DDX52: variants seen among roughly 807,000 people sequenced by gnomAD.
DDX52 encodes probable ATP-dependent RNA helicase DDX52.
In DDX52, 59 loss-of-function variants were observed where a neutral mutation model predicts 76.1. That is an observed-to-expected ratio of 0.78 (90% CI 0.63 to 0.96). The LOEUF is 0.96. DDX52 is among the 40% of genes least tolerant of loss of function. DDX52 has a pLI of 0.00. For missense variants in DDX52, 707 were observed against 703.9 expected (o/e 1.00, Z -0.05); for synonymous variants, 231 against 244.1 (o/e 0.95, Z 0.50).
intron 10 of DDX52, 29 bp downstream of exon 10, chr17:37,621,369 T>A (rs770295627): frequency 6.2e-7 from 1 of 1,600,430 alleles, no homozygotes. Flanking sequence ...GTAGTTCTTC[T>A]GAGTTTCAAA....
chr17:37,625,120 C>T (rs2030299871), intron 8 of DDX52, among the ~76,000 whole-genome samples: 1 of 152,056 alleles, frequency 6.6e-6, no homozygotes, highest in Non-Finnish European at 1.5e-5. Flanking sequence ...ATACTCCTGC[C>T]TCAGCCTCCC....
At position 37,611,979 on chromosome 17, in the gene DDX52, CAAAAA is replaced by C. The variant is rs1300156671; in HGVS notation, c.*2312_*2316del. On this transcript the variant is annotated 3_prime_UTR_variant, in exon 15 of 15. Coordinates refer to ENST00000617633, the MANE Select transcript of DDX52 (RefSeq NM_007010.5). ...CTCAAAAAAAAAAAAAAAAACAAAA[CAAAAA>C]AACTCATAAAGTAAAAGTTACAGTA... is the stretch of plus-strand genomic sequence containing the variant. 1 of 138,428 alleles carries C rather than the reference CAAAAA, an allele frequency of 7.2e-6. No individual in the cohort carries two copies. Among genetic ancestry groups the C allele is most frequent in the Non-Finnish European group, 1.6e-5 (1 of 63,824 alleles). The allele number at this position is 138,428 out of a possible 1,614,324, so 8.6% of individuals were successfully genotyped here.
chr17:37,626,189 C>CA, intron 7 of DDX52, 91 bp from the exon 8 acceptor site: 22 of 1,316,098 alleles, frequency 1.7e-5, no homozygotes, highest in Non-Finnish European at 2.2e-5. Flanking sequence ...ATGAGGAAGT[C>CA]AAACTATAAT....
intron 5 of DDX52, 74 bp from the exon 6 acceptor site, chr17:37,628,746 TGAAA>T: frequency 1.8e-6 from 2 of 1,093,536 alleles, no homozygotes; most frequent in Non-Finnish European, 2.6e-6. Context: ...ACATGATTAA[TGAAA>T]TAAATCTATT....
intron 2 of DDX52, chr17:37,639,395 A>T: frequency 1.0e-6 from 1 of 989,468 alleles, no homozygotes; most frequent in Non-Finnish European, 1.2e-6. Context: ...GTACTAAATG[A>T]CCCAAATCAT....
chr17:37,633,257 T>C (rs1172208720), intron 3 of DDX52, 31 bp downstream of exon 3: 1 of 1,582,400 alleles, frequency 6.3e-7, no homozygotes, highest in Non-Finnish European at 8.6e-7. Flanking sequence ...AGAAAATATA[T>C]ATACTTTTGG....
intron 2 of DDX52, among the ~76,000 whole-genome samples, chr17:37,639,087 AC>A (rs1321133738): frequency 6.6e-6 from 1 of 152,026 alleles, no homozygotes; most frequent in African/African-American, 2.4e-5. Flanking sequence ...TTTTAAAAAA[AC>A]GTAATGCGCA....
intron 14 of DDX52, among the ~76,000 whole-genome samples, chr17:37,615,833 G>A (rs950293579): frequency 6.6e-6 from 1 of 152,098 alleles, no homozygotes; most frequent in Non-Finnish European, 1.5e-5. Flanking sequence ...GGCCAACATG[G>A]TGAAACCCCG....
Position 37,610,554 on chromosome 17 carries a change from G to A in DDX52, c.*3742C>T, listed in dbSNP as rs2064315994. 7.4e-6 allele frequency: 1 copy of A among 135,770 alleles called. No homozygotes were observed. The highest frequency in any genetic ancestry group is 1.5e-5 in the Non-Finnish European group (1 of 67,604). The allele number at this position is 135,770 out of a possible 1,614,324, so 8.4% of individuals were successfully genotyped here. A position where few individuals can be genotyped will look rare whatever the true frequency, so the allele number is the denominator to read the frequency against. On this transcript the variant is annotated 3_prime_UTR_variant, in exon 15 of 15. Transcript: ENST00000617633. ...TAATTAGCTTTACGTTTTCACTCTT[G>A]TCTCAAGGTTTTTACTGGGTAATAA...
chr17:37,635,732 G>T (rs1171988018), intron 2 of DDX52: 2 of 422,478 alleles, frequency 4.7e-6, no homozygotes, highest in African/African-American at 2.0e-5. Context: ...AAGTGGAATA[G>T]CTGGGTAATA....
intron 2 of DDX52, among the ~76,000 whole-genome samples, chr17:37,636,864 C>G (rs754373890): frequency 1.3e-5 from 2 of 152,186 alleles, no homozygotes; most frequent in African/African-American, 4.8e-5. Flanking sequence ...TGTTGATTAA[C>G]AGCAGAAACA....
chr17:37,625,991 A>C lies in DDX52; in HGVS notation c.1040T>G (p.Val347Gly). 6.2e-7 allele frequency: 1 copy of C among 1,614,112 alleles called. No homozygotes were observed. The highest frequency in any genetic ancestry group is 1.7e-5 in the Admixed American group (1 of 60,016). The stretch of plus-strand genomic sequence containing the variant: ...AGTTGCACTGAACATAGCTCTTCGG[A>C]CCTTGTGGGATGTGCAGGCCAGGAA... ...SIFLACTSHKVRRAMFSATFA... is the reference protein window; with the variant it reads ...SIFLACTSHKGRRAMFSATFA... Residue 347 changes from valine to glycine, a missense_variant, in exon 8 of 15, where the codon GTC becomes GGC. Transcript: ENST00000617633.
At chr17:37,623,811 T>C (rs568014757) in intron 9 of DDX52, among the ~76,000 whole-genome samples, 49 of 152,328 alleles carry the variant, frequency 3.2e-4, no homozygotes, top group African/African-American at 9.9e-4. Context: ...ATTTATTTTA[T>C]CCCTCTAAAC....
intron 4 of DDX52, chr17:37,631,088 A>G (rs1464195265): frequency 6.6e-6 from 1 of 152,226 alleles, no homozygotes; most frequent in Non-Finnish European, 1.5e-5. Flanking sequence ...AATGAAAAGG[A>G]CTAGTATAGA....
chr17:37,633,260 AC>A, intron 3 of DDX52, 27 bp downstream of exon 3: 1 of 1,584,948 alleles, frequency 6.3e-7, no homozygotes, highest in Non-Finnish European at 8.6e-7. Flanking sequence ...AAATATATAT[AC>A]TTTTGGCCCC....
intron 2 of DDX52, among the ~76,000 whole-genome samples, chr17:37,638,826 G>A (rs1243099518): frequency 1.0e-4 from 15 of 145,562 alleles, no homozygotes. Context: ...CTGGAATGCA[G>A]AGGCATGATC....
intron 2 of DDX52, among the ~76,000 whole-genome samples, chr17:37,635,982 T>A (rs137912562): frequency 1.5e-4 from 23 of 152,370 alleles, no homozygotes; most frequent in Admixed American, 2.6e-4. Context: ...CCATGTGTAT[T>A]ATCTTCTTTA....
chr17:37,618,671 G>C (rs551071704), intron 13 of DDX52, among the ~76,000 whole-genome samples: 16 of 152,078 alleles, frequency 1.1e-4, no homozygotes, highest in Admixed American at 3.3e-4. Flanking sequence ...ATTTTAAGTA[G>C]AGATGGGGTT....
At chr17:37,641,882 G>C (rs1379135819) in intron 2 of DDX52, among the ~76,000 whole-genome samples, 5 of 152,020 alleles carry the variant, frequency 3.3e-5, no homozygotes, top group Non-Finnish European at 7.4e-5. Context: ...TTTTCGGATG[G>C]TATTCTGCAG....
Sources: allele counts gnomAD v4.1 joint callset (sites outside exome capture counted in the v4.1 genomes callset), GRCh38; gene constraint gnomAD v4.1.1; transcripts MANE v1.5; gene names NCBI Gene and HGNC (gene_info 2026-07-23, HGNC 2026-07-21).